Variants in ADARB2 observed in about 807,000 individuals in gnomAD.
The protein encoded by ADARB2 is inactive double-stranded RNA-specific editase B2.
ADARB2 carries 25 observed loss-of-function variants against 62.2 expected under a neutral mutation model. The ratio of observed to expected loss-of-function variants is 0.40; its 90% CI spans 0.29 to 0.56. The LOEUF (loss-of-function observed/expected upper bound fraction) is 0.56. ADARB2 is among the 20% of genes least tolerant of loss of function. The pLI is 0.43. For missense variants in ADARB2, 1,071 were observed against 1,077.4 expected (o/e 0.99, Z 0.08); for synonymous variants, 572 against 500.8 (o/e 1.14, Z -1.90).
At chr10:1,662,527 C>T (rs940419740) in intron 1 of ADARB2, among the ~76,000 whole-genome samples, 1 of 152,198 alleles carries the variant, frequency 6.6e-6, no homozygotes, top group African/African-American at 2.4e-5. Flanking sequence ...ACTCACGGAA[C>T]CATGAGGTAA....
chr10:1,679,671 G>C (rs1834510291), intron 1 of ADARB2, among the ~76,000 whole-genome samples: 1 of 152,144 alleles, frequency 6.6e-6, no homozygotes, highest in Non-Finnish European at 1.5e-5. Flanking sequence ...TCCCCCAGGA[G>C]CACTCCGGTT....
intron 3 of ADARB2, among the ~76,000 whole-genome samples, chr10:1,286,186 C>T (rs1831412514): frequency 6.6e-6 from 1 of 152,148 alleles, no homozygotes; most frequent in South Asian, 2.1e-4. Context: ...TGGGACACAC[C>T]TCGAAGCCCC....
At chr10:1,244,111 G>A (rs547596211) in intron 4 of ADARB2, among the ~76,000 whole-genome samples, 3 of 152,310 alleles carry the variant, frequency 2.0e-5, no homozygotes, top group Non-Finnish European at 2.9e-5. Flanking sequence ...AGAAGTTGAC[G>A]AGCAGATGGG....
chr10:1,233,715 G>C lies in ADARB2; in HGVS notation c.1492C>G (p.Pro498Ala). Residue 498 changes from proline (P) to alanine (A), a missense_variant, in exon 6 of 10, where the codon CCC becomes GCC. Pro to Ala is a conservative substitution (Grantham distance 27). Coordinates refer to ENST00000381312, the MANE Select transcript of ADARB2 (RefSeq NM_018702.4). The stretch of plus-strand genomic sequence containing the variant: ...TTACGGTCTGTGGTGATCTCGTAGG[G>C]AGAGTGGAGTCTTGCGTCTCCACAG... ...SPCGDARLHS[P>A]YEITTDLHSS... 6.2e-7 allele frequency: 1 copy of C among 1,613,586 alleles called. No individual in the cohort carries two copies. Among genetic ancestry groups the C allele is most frequent in the South Asian group, 1.1e-5 (1 of 90,974 alleles).
intron 1 of ADARB2, among the ~76,000 whole-genome samples, chr10:1,733,467 T>A (rs1443382123): frequency 6.6e-6 from 1 of 152,128 alleles, no homozygotes; most frequent in Non-Finnish European, 1.5e-5. Flanking sequence ...GCAGAATATA[T>A]GCACTGTTTT....
chr10:1,326,863 A>G lies in ADARB2; in HGVS notation c.1077+36165T>C, dbSNP rs1398004442. Among the ~76,000 whole-genome samples the G allele has an allele frequency of 9.0e-4, 51 of 56,908 alleles. 2 individuals are homozygous for G. The highest frequency in any genetic ancestry group is 2.0e-3 in the African/African-American group (26 of 13,112). 37.3% of individuals were successfully genotyped at this position (56,908 alleles called of 152,430 possible). ...ACGGCCCAGCGCCTCCCCACTGCCCAGCGCCTCCCCACGGCACAGCGCCTC... is the reference window on the plus strand; with the variant it reads ...ACGGCCCAGCGCCTCCCCACTGCCCGGCGCCTCCCCACGGCACAGCGCCTC... On this transcript the variant is annotated intron_variant, in intron 3 of 9. Coordinates refer to ENST00000381312, the MANE Select transcript of ADARB2 (RefSeq NM_018702.4).
intron 3 of ADARB2, among the ~76,000 whole-genome samples, chr10:1,299,236 C>T (rs897056311): frequency 1.3e-5 from 2 of 151,918 alleles, no homozygotes; most frequent in Non-Finnish European, 2.9e-5. Context: ...AACCCACAAG[C>T]AGAGCCCGGA....
chr10:1,647,844 GTGTGTATA>G (rs1419181577), intron 1 of ADARB2, among the ~76,000 whole-genome samples: 1 of 151,888 alleles, frequency 6.6e-6, no homozygotes, highest in Non-Finnish European at 1.5e-5. Flanking sequence ...ATATATGCAT[GTGTGTATA>G]TGTGTATGTG....
chr10:1,660,212 G>A (rs530259722), intron 1 of ADARB2, among the ~76,000 whole-genome samples: 1 of 152,376 alleles, frequency 6.6e-6, no homozygotes, highest in African/African-American at 2.4e-5. Flanking sequence ...GACCGAGCCT[G>A]TGCTCACAAA....
At chr10:1,198,821 G>A (rs1554742782) in intron 8 of ADARB2, among the ~76,000 whole-genome samples, 1 of 152,252 alleles carries the variant, frequency 6.6e-6, no homozygotes, top group Non-Finnish European at 1.5e-5. Context: ...TTGAAAATCA[G>A]CACTGGGAGA....
Position 1,276,775 on chromosome 10 carries a change from C to G in ADARB2, c.1078-5706G>C, listed in dbSNP as rs188919867. Among the ~76,000 whole-genome samples, 29 of 152,306 alleles carry G rather than the reference C, an allele frequency of 1.9e-4. No individual in the cohort carries two copies. In the East Asian group the frequency reaches 4.1e-3, roughly 21 times the overall value. Reference sequence around the variant, plus strand: ...GCAGACCTAATAGACATCTACAGAACTCTCCACCCCAAATCAAGAGAATAT... The same window carrying G: ...GCAGACCTAATAGACATCTACAGAAGTCTCCACCCCAAATCAAGAGAATAT... On this transcript the variant is annotated intron_variant, in intron 3 of 9. Coordinates refer to ENST00000381312, the MANE Select transcript of ADARB2 (RefSeq NM_018702.4).
intron 1 of ADARB2, among the ~76,000 whole-genome samples, chr10:1,510,741 A>G (rs995348136): frequency 2.0e-5 from 3 of 152,074 alleles, no homozygotes; most frequent in African/African-American, 7.2e-5. Flanking sequence ...CCCACCCCCT[A>G]CAGTCCCTTC....
At chr10:1,692,662 G>C (rs537339103) in intron 1 of ADARB2, among the ~76,000 whole-genome samples, 3 of 152,058 alleles carry the variant, frequency 2.0e-5, no homozygotes, top group Non-Finnish European at 2.9e-5. Context: ...TGCTAACAAG[G>C]CCTGTCTAAA....
intron 1 of ADARB2, among the ~76,000 whole-genome samples, chr10:1,724,118 CT>C (rs1835132535): frequency 6.6e-6 from 1 of 152,170 alleles, no homozygotes; most frequent in African/African-American, 2.4e-5. Flanking sequence ...AAGATGGGGT[CT>C]TTAAAGAGGT....
intron 1 of ADARB2, among the ~76,000 whole-genome samples, chr10:1,639,838 C>G (rs1833958153): frequency 1.3e-5 from 2 of 151,410 alleles, no homozygotes; most frequent in Admixed American, 6.6e-5. Context: ...TGAGACTCCT[C>G]TGTCTCAAAC....
intron 1 of ADARB2, among the ~76,000 whole-genome samples, chr10:1,594,046 C>G (rs1010277503): frequency 7.9e-5 from 12 of 152,124 alleles, no homozygotes; most frequent in Non-Finnish European, 1.8e-4. Flanking sequence ...AATCCCAGCA[C>G]TTTGGGAGGC....
intron 1 of ADARB2, among the ~76,000 whole-genome samples, chr10:1,465,786 C>A (rs1343169237): frequency 6.6e-6 from 1 of 152,228 alleles, no homozygotes; most frequent in African/African-American, 2.4e-5. Context: ...ACCTCTCCCA[C>A]CCCCGCCCGA....
At chr10:1,229,758 A>G (rs1369825929) in intron 6 of ADARB2, among the ~76,000 whole-genome samples, 1 of 22,278 alleles carries the variant, frequency 4.5e-5, no homozygotes, top group African/African-American at 2.6e-4. Flanking sequence ...ACGTGATTAC[A>G]TGTGTGCACA....
At position 1,515,506 on chromosome 10, in the gene ADARB2, T is replaced by C. The variant is rs1831997502; in HGVS notation, c.101-136346A>G. 2.6e-5 allele frequency among the ~76,000 whole-genome samples: 4 copies of C among 152,236 alleles called. No individual in the cohort carries two copies. The South Asian group carries it at 8.3e-4, about 32-fold the overall frequency. On this transcript the variant is annotated intron_variant, in intron 1 of 9. Transcript: ENST00000381312. ...GAGTAAGGACATCCCAGCAAGGTCATCCTGCAGCCAAGACCCAGGTCAGTT... is the reference window on the plus strand; with the variant it reads ...GAGTAAGGACATCCCAGCAAGGTCACCCTGCAGCCAAGACCCAGGTCAGTT...
Sources: gnomAD v4.1 joint callset for allele counts (sites outside exome capture counted in the v4.1 genomes callset) on GRCh38, gnomAD v4.1.1 for gene constraint, MANE v1.5 for transcripts, NCBI Gene and HGNC (gene_info 2026-07-23, HGNC 2026-07-21) for gene names.